Variants in RXRA observed in about 807,000 individuals in gnomAD.
The protein encoded by RXRA is retinoid X receptor alpha.
Under a neutral mutation model 44.5 loss-of-function variants are expected in RXRA, and 5 were observed. That is an observed-to-expected ratio of 0.11 (90% CI 0.06 to 0.24). The LOEUF is 0.24. RXRA is among the 10% of genes least tolerant of loss of function. The pLI is 1.00. For missense variants in RXRA, 412 were observed against 646.5 expected (o/e 0.64, Z 3.93); for synonymous variants, 291 against 271.4 (o/e 1.07, Z -0.71).
At chr9:134,364,447 C>T (rs1830389781) in intron 1 of RXRA, among the ~76,000 whole-genome samples, 1 of 152,246 alleles carries the variant, frequency 6.6e-6, no homozygotes, top group Non-Finnish European at 1.5e-5. Context: ...ATGTCAACAG[C>T]AGCCTTTGTG....
chr9:134,423,626 C>CT, intron 6 of RXRA: 1 of 985,490 alleles, frequency 1.0e-6, no homozygotes, highest in Non-Finnish European at 1.2e-6. Context: ...CTTAATCCCG[C>CT]TGGCCTCGTG....
In RXRA at chr9:134,343,415, C is replaced by T. The variant is rs142247298; in HGVS notation, c.28+16756C>T. ...TTCTGGGGGTTCATGCAGGATTGCCCGTCAGCATCCTGCAGCCCCTGGAAT... is the reference window on the plus strand; with the variant it reads ...TTCTGGGGGTTCATGCAGGATTGCCTGTCAGCATCCTGCAGCCCCTGGAAT... On this transcript the variant is annotated intron_variant, in intron 1 of 9. Transcript: ENST00000481739. This position sits in a 1 kb window ranked among gnomAD's most constrained non-coding sequence, Gnocchi z 4.1. Among the ~76,000 whole-genome samples, 248 of 152,148 alleles carry T rather than the reference C, an allele frequency of 1.6e-3. 5 individuals carry two copies. In the East Asian group the frequency reaches 0.041, roughly 25 times the overall value.
chr9:134,345,171 G>A lies in RXRA; in HGVS notation c.28+18512G>A, dbSNP rs564924000. On this transcript the variant is annotated intron_variant, in intron 1 of 9. Transcript: ENST00000481739. ...AGTGGCTGAGAAAATGAAAGTGGACGTGCCCTGGAGGTTATGGGCTTCAGG... is the reference window on the plus strand; with the variant it reads ...AGTGGCTGAGAAAATGAAAGTGGACATGCCCTGGAGGTTATGGGCTTCAGG... 3.4e-4 allele frequency among the ~76,000 whole-genome samples: 52 copies of A among 152,312 alleles called. No homozygotes were observed. The Middle Eastern group carries it at 0.014, about 40-fold the overall frequency.
intron 2 of RXRA, 47 bp from the exon 3 acceptor site, chr9:134,408,102 A>G: frequency 6.8e-7 from 1 of 1,464,956 alleles, no homozygotes; most frequent in Non-Finnish European, 9.1e-7. Flanking sequence ...GGACATAGGG[A>G]CAAACCTGGT....
At chr9:134,375,972 C>A (rs984051572) in intron 1 of RXRA, among the ~76,000 whole-genome samples, 1 of 148,758 alleles carries the variant, frequency 6.7e-6, no homozygotes, top group Admixed American at 6.7e-5. Flanking sequence ...CTGCTTCCCC[C>A]CCACCCCACC....
intron 1 of RXRA, among the ~76,000 whole-genome samples, chr9:134,393,207 G>A (rs1009293753): frequency 2.6e-5 from 4 of 152,070 alleles, no homozygotes; most frequent in Admixed American, 6.5e-5. Context: ...CGACCTGGGC[G>A]CTCTTCTCCC....
At chr9:134,385,503 G>C (rs932177250) in intron 1 of RXRA, among the ~76,000 whole-genome samples, 3 of 152,162 alleles carry the variant, frequency 2.0e-5, no homozygotes, top group African/African-American at 4.8e-5. Context: ...TCCTCCACTC[G>C]GGCCTCTGCG....
intron 1 of RXRA, among the ~76,000 whole-genome samples, chr9:134,370,491 C>G (rs1830478288): frequency 6.6e-6 from 1 of 152,266 alleles, no homozygotes. Context: ...GGCATCACCT[C>G]TACAGGACAA....
At chr9:134,422,214 C>G (rs1588303436) in intron 6 of RXRA, 1 of 1,285,390 alleles carries the variant, frequency 7.8e-7, no homozygotes, top group Admixed American at 2.3e-5. Flanking sequence ...ACACTTCCCC[C>G]TCCTGGGACA....
intron 1 of RXRA, among the ~76,000 whole-genome samples, chr9:134,350,881 C>G (rs1002016243): frequency 2.6e-5 from 4 of 152,356 alleles, no homozygotes; most frequent in African/African-American, 9.6e-5. Flanking sequence ...GCCGCCTTGT[C>G]CTCATCTGTA....
intron 8 of RXRA, 46 bp downstream of exon 8, chr9:134,432,042 G>A (rs755860467): frequency 4.5e-5 from 67 of 1,483,652 alleles, no homozygotes; most frequent in Non-Finnish European, 5.3e-5. Flanking sequence ...TCTCTGGTGG[G>A]GCAGAGGTGC....
chr9:134,432,026 C>T, intron 8 of RXRA, 30 bp downstream of exon 8: 1 of 1,578,218 alleles, frequency 6.3e-7, no homozygotes, highest in Non-Finnish European at 8.7e-7. Context: ...AGGCTTCTGG[C>T]CCCGTTCTCT....
At chr9:134,333,429 G>C (rs1224033919) in intron 1 of RXRA, among the ~76,000 whole-genome samples, 1 of 152,154 alleles carries the variant, frequency 6.6e-6, no homozygotes, top group Non-Finnish European at 1.5e-5. Flanking sequence ...GGTTTCCCCA[G>C]CTGTACCCGG....
At chr9:134,376,958 ACTGG>A (rs1285240859) in intron 1 of RXRA, among the ~76,000 whole-genome samples, 3 of 152,074 alleles carry the variant, frequency 2.0e-5, no homozygotes, top group African/African-American at 7.2e-5. Flanking sequence ...CCACGTGTTC[ACTGG>A]CTGAGTGTGC....
chr9:134,387,040 G>T (rs1830730622), intron 1 of RXRA, among the ~76,000 whole-genome samples: 1 of 152,216 alleles, frequency 6.6e-6, no homozygotes, highest in Admixed American at 6.5e-5. Flanking sequence ...CGGCCAGACT[G>T]CTCAGCCTCT....
intron 5 of RXRA, among the ~76,000 whole-genome samples, chr9:134,419,902 C>A (rs895561981): frequency 2.6e-5 from 4 of 152,200 alleles, no homozygotes; most frequent in African/African-American, 9.7e-5. Flanking sequence ...CTCCAGCCTG[C>A]CACATTCTGC....
intron 1 of RXRA, among the ~76,000 whole-genome samples, chr9:134,399,523 G>T (rs73556249): frequency 6.6e-6 from 1 of 152,100 alleles, no homozygotes; most frequent in African/African-American, 2.4e-5. Context: ...TTCTGCACCT[G>T]GGGATTCTGG....
intron 1 of RXRA, among the ~76,000 whole-genome samples, chr9:134,338,047 G>T (rs940305684): frequency 1.7e-4 from 26 of 152,234 alleles, no homozygotes; most frequent in African/African-American, 5.8e-4. Flanking sequence ...TGCCAGGCCA[G>T]CGGGGGAGAT....
At position 134,369,713 on chromosome 9, in the gene RXRA, C is replaced by A. The variant is rs546202305; in HGVS notation, c.29-31919C>A. ...GGTCTGACCTGCTCGGTGGCCTTGGCGTGTTGAGGCCTCTCGGGTATCCTG... is the reference window on the plus strand; with the variant it reads ...GGTCTGACCTGCTCGGTGGCCTTGGAGTGTTGAGGCCTCTCGGGTATCCTG... On this transcript the variant is annotated intron_variant, in intron 1 of 9. Coordinates refer to ENST00000481739, the MANE Select transcript of RXRA (RefSeq NM_002957.6). 1.0e-3 allele frequency among the ~76,000 whole-genome samples: 156 copies of A among 152,106 alleles called. 3 individuals carry two copies. Among genetic ancestry groups the A allele is most frequent in the South Asian group, 8.5e-3 (41 of 4,830 alleles).
Sources: allele counts gnomAD v4.1 joint callset (sites outside exome capture counted in the v4.1 genomes callset), GRCh38; gene constraint gnomAD v4.1.1; non-coding constraint Gnocchi (gnomAD v3.1); transcripts MANE v1.5; gene names NCBI Gene and HGNC (gene_info 2026-07-23, HGNC 2026-07-21).